The following CUL1 variants were observed in gnomAD, a reference collection of about 807,000 sequenced individuals.
The protein encoded by CUL1 is cullin 1, also known as cullin-1.
A neutral mutation model predicts 118.0 loss-of-function variants in CUL1; 24 were observed. The ratio of observed to expected loss-of-function variants is 0.20; its 90% CI spans 0.15 to 0.29. The LOEUF (loss-of-function observed/expected upper bound fraction) is 0.29. CUL1 is among the 10% of genes least tolerant of loss of function. The probability of loss-of-function intolerance (pLI) is 1.00; values close to 1 mark genes in which losing one functional copy is unlikely to be tolerated. For synonymous variants in CUL1, 332 were observed against 340.4 expected (o/e 0.98, Z 0.27); for missense variants, 361 against 933.8 (o/e 0.39, Z 7.99).
Position 148,766,731 on chromosome 7 carries a change from A to G in CUL1, c.952+8A>G, listed in dbSNP as rs1240167169. On this transcript the variant is annotated splice_region_variant and intron_variant, in intron 8 of 21. Coordinates refer to ENST00000325222, the MANE Select transcript of CUL1 (RefSeq NM_003592.3). ...ATGCTGACAAAAATGAAGGTGAGCCACAAGACTCATAAAATGTAGGTATTT... is the reference window on the plus strand; with the variant it reads ...ATGCTGACAAAAATGAAGGTGAGCCGCAAGACTCATAAAATGTAGGTATTT... 3 of 1,606,866 alleles carry G rather than the reference A, an allele frequency of 1.9e-6. No homozygotes were observed. Among genetic ancestry groups the G allele is most frequent in the South Asian group, 1.1e-5 (1 of 89,370 alleles).
intron 1 of CUL1, among the ~76,000 whole-genome samples, chr7:148,716,845 A>C (rs1035977427): frequency 1.3e-5 from 2 of 152,116 alleles, no homozygotes; most frequent in African/African-American, 4.8e-5. Flanking sequence ...GGCTGATTTC[A>C]AGTCTTTTGC....
intron 1 of CUL1, among the ~76,000 whole-genome samples, chr7:148,702,721 A>G (rs1797758852): frequency 6.6e-6 from 1 of 152,170 alleles, no homozygotes; most frequent in Admixed American, 6.5e-5. Context: ...ATCTCTGGAA[A>G]GCTGGCCCTG....
At chr7:148,764,366 C>T (rs776198535) in intron 7 of CUL1, among the ~76,000 whole-genome samples, 6 of 152,186 alleles carry the variant, frequency 3.9e-5, no homozygotes, top group Admixed American at 2.6e-4. Flanking sequence ...ACAATACCTA[C>T]GACCTTGGTT....
At chr7:148,733,933 T>A (rs994834419) in intron 2 of CUL1, among the ~76,000 whole-genome samples, 8 of 152,104 alleles carry the variant, frequency 5.3e-5, no homozygotes, top group African/African-American at 1.9e-4. Context: ...GTGACATTTG[T>A]GGTTGCTGTA....
At chr7:148,785,111 G>A (rs373195878) in intron 11 of CUL1, among the ~76,000 whole-genome samples, 3 of 152,090 alleles carry the variant, frequency 2.0e-5, no homozygotes, top group African/African-American at 7.2e-5. Context: ...TTCTCTTAAC[G>A]CAGTTTACCC....
chr7:148,788,707 C>T, intron 14 of CUL1, 33 bp downstream of exon 14: 1 of 1,361,842 alleles, frequency 7.3e-7, no homozygotes, highest in Non-Finnish European at 1.0e-6. Context: ...GTTGTGTTTA[C>T]AGGCAGAGTT....
intron 2 of CUL1, among the ~76,000 whole-genome samples, chr7:148,744,694 ATACT>A (rs1435388296): frequency 5.3e-5 from 8 of 152,152 alleles, no homozygotes; most frequent in African/African-American, 1.7e-4. Context: ...ATTTACCCAG[ATACT>A]TACTGTTTCT....
At chr7:148,701,813 AT>A (rs1254819011) in intron 1 of CUL1, among the ~76,000 whole-genome samples, 1 of 152,228 alleles carries the variant, frequency 6.6e-6, no homozygotes, top group Non-Finnish European at 1.5e-5. Context: ...AATTAAAAAT[AT>A]TAGGGCCTTA....
chr7:148,705,480 T>C (rs1357383007), intron 1 of CUL1, among the ~76,000 whole-genome samples: 3 of 152,240 alleles, frequency 2.0e-5, no homozygotes, highest in Non-Finnish European at 4.4e-5. Flanking sequence ...GTTGTAATTA[T>C]GAGAAAACCG....
chr7:148,719,518 A>G (rs966695014), intron 1 of CUL1, among the ~76,000 whole-genome samples: 1 of 152,204 alleles, frequency 6.6e-6, no homozygotes, highest in African/African-American at 2.4e-5. Flanking sequence ...AGTCTTATCT[A>G]ATTAGATAAT....
At chr7:148,799,999 G>C (rs913077126) in intron 21 of CUL1, among the ~76,000 whole-genome samples, 1 of 152,172 alleles carries the variant, frequency 6.6e-6, no homozygotes, top group Non-Finnish European at 1.5e-5. Context: ...AACCACTTGG[G>C]TAAGTCACAG....
intron 9 of CUL1, among the ~76,000 whole-genome samples, chr7:148,774,806 T>G (rs756573578): frequency 6.6e-6 from 1 of 152,198 alleles, no homozygotes; most frequent in Non-Finnish European, 1.5e-5. Flanking sequence ...AGACACTGAC[T>G]GGGGAGAAAT....
chr7:148,733,710 G>C (rs1297499848), intron 2 of CUL1, among the ~76,000 whole-genome samples: 1 of 152,150 alleles, frequency 6.6e-6, no homozygotes, highest in Non-Finnish European at 1.5e-5. Flanking sequence ...AATTAGACAT[G>C]CCTCATCAGC....
intron 9 of CUL1, among the ~76,000 whole-genome samples, chr7:148,772,602 G>A (rs1800251873): frequency 1.3e-5 from 2 of 152,158 alleles, no homozygotes; most frequent in African/African-American, 4.8e-5. Context: ...GGGCATTCCT[G>A]TAGTAGACGT....
intron 2 of CUL1, among the ~76,000 whole-genome samples, chr7:148,749,580 A>T (rs1799419365): frequency 6.6e-6 from 1 of 152,256 alleles, no homozygotes; most frequent in East Asian, 1.9e-4. Context: ...CCCATCTAAA[A>T]CAGCAAACTT....
chr7:148,760,641 C>G, intron 7 of CUL1, 145 bp downstream of exon 7: 1 of 557,186 alleles, frequency 1.8e-6, no homozygotes, highest in Non-Finnish European at 3.1e-6. Flanking sequence ...GCAAGTGCTT[C>G]TCCTAATTCT....
At chr7:148,774,732 G>T (rs934989354) in intron 9 of CUL1, among the ~76,000 whole-genome samples, 10 of 152,190 alleles carry the variant, frequency 6.6e-5, no homozygotes, top group African/African-American at 2.2e-4. Flanking sequence ...CAACAGAGAT[G>T]GGTCTGTGAG....
chr7:148,740,275 G>C (rs1408178515), intron 2 of CUL1, among the ~76,000 whole-genome samples: 1 of 152,004 alleles, frequency 6.6e-6, no homozygotes, highest in Non-Finnish European at 1.5e-5. Context: ...GGCTGGTCTT[G>C]AACTCCTGAC....
At chr7:148,773,259 T>C (rs191721273) in intron 9 of CUL1, among the ~76,000 whole-genome samples, 1 of 152,176 alleles carries the variant, frequency 6.6e-6, no homozygotes, top group Non-Finnish European at 1.5e-5. Flanking sequence ...AACCCTGTCT[T>C]CCAGTGAAAC....
Sources: gnomAD v4.1 joint callset for allele counts (sites outside exome capture counted in the v4.1 genomes callset) on GRCh38, gnomAD v4.1.1 for gene constraint, MANE v1.5 for transcripts, NCBI Gene and HGNC (gene_info 2026-07-23, HGNC 2026-07-21) for gene names.